Variants in KLHL3 observed in about 807,000 individuals in gnomAD.
The protein encoded by KLHL3 is kelch-like protein 3.
Under a neutral mutation model 70.5 loss-of-function variants are expected in KLHL3, and 19 were observed. The ratio of observed to expected loss-of-function variants is 0.27; its 90% CI spans 0.19 to 0.40. The LOEUF (loss-of-function observed/expected upper bound fraction) is 0.40, where lower values mean the gene tolerates loss of function less well. Ranked by LOEUF, KLHL3 falls within the 10% of genes least tolerant of loss-of-function variation. The pLI, the probability that KLHL3 is intolerant of heterozygous loss-of-function variation, is 1.00. For synonymous variants in KLHL3, 258 were observed against 290.3 expected (o/e 0.89, Z 1.13); for missense variants, 512 against 771.1 (o/e 0.66, Z 3.98).
chr5:137,727,101 A>C lies in KLHL3; in HGVS notation c.15-6517T>G, dbSNP rs147888747. On this transcript the variant is annotated intron_variant, in intron 1 of 14. Transcript: ENST00000309755. The stretch of plus-strand genomic sequence containing the variant: ...CACAGGTAATTCATACTTATTCAAA[A>C]TTTATGTTCCCCACCCTCCCTTAAG... Among the ~76,000 whole-genome samples the C allele has an allele frequency of 7.4e-3, 1,132 of 152,012 alleles. 17 individuals are homozygous for C. The highest frequency in any genetic ancestry group is 0.026 in the African/African-American group (1,072 of 41,432).
At chr5:137,679,181 G>A (rs1751963560) in intron 5 of KLHL3, among the ~76,000 whole-genome samples, 2 of 151,520 alleles carry the variant, frequency 1.3e-5, no homozygotes, top group South Asian at 4.2e-4. Flanking sequence ...TCTTGGGCTG[G>A]AAGCTGGGAA....
At chr5:137,694,159 G>A (rs2149919136) in intron 4 of KLHL3, among the ~76,000 whole-genome samples, 1 of 151,544 alleles carries the variant, frequency 6.6e-6, no homozygotes, top group East Asian at 1.9e-4. Flanking sequence ...TGAGCCAAAT[G>A]CCTACGCTCA....
chr5:137,655,898 G>A (rs1244640589), intron 8 of KLHL3, among the ~76,000 whole-genome samples: 1 of 151,512 alleles, frequency 6.6e-6, no homozygotes, highest in Non-Finnish European at 1.5e-5. Context: ...GGCTGAGGTG[G>A]GAGGATCACT....
At chr5:137,646,631 A>G (rs1751053007) in intron 8 of KLHL3, among the ~76,000 whole-genome samples, 1 of 152,152 alleles carries the variant, frequency 6.6e-6, no homozygotes, top group Non-Finnish European at 1.5e-5. Context: ...AAGAGACTTG[A>G]ACCATTCTCT....
chr5:137,667,142 C>T (rs1203982181), intron 6 of KLHL3, among the ~76,000 whole-genome samples: 2 of 152,306 alleles, frequency 1.3e-5, no homozygotes, highest in East Asian at 1.9e-4. Flanking sequence ...AAGGCAGCCA[C>T]ACTCATCGTT....
intron 11 of KLHL3, among the ~76,000 whole-genome samples, chr5:137,634,374 C>T (rs1352812070): frequency 6.6e-6 from 1 of 152,222 alleles, no homozygotes; most frequent in Non-Finnish European, 1.5e-5. Context: ...GCCATGAGCT[C>T]CTTAGAAGCA....
At chr5:137,732,735 A>G (rs1753198618) in intron 1 of KLHL3, among the ~76,000 whole-genome samples, 1 of 152,186 alleles carries the variant, frequency 6.6e-6, no homozygotes, top group Admixed American at 6.5e-5. Context: ...TGATAATAGC[A>G]ACTACCATCT....
Position 137,698,304 on chromosome 5 carries a change from T to A in KLHL3, c.346A>T (p.Thr116Ser). 4 of 1,614,232 alleles carry A rather than the reference T, an allele frequency of 2.5e-6. No individual in the cohort carries two copies. In the South Asian group the frequency reaches 4.4e-5, roughly 18 times the overall value. ...GAGTTTACCTGGACATTCTCTTCAG[T>A]CACCTCGATTTCAGCAGTATAGATG... ...DYIYTAEIEV[T>S]EENVQVLLPA... The change falls in exon 4 of 15, where the codon ACT (threonine) becomes TCT (serine). Residue 116 changes from threonine to serine, a missense_variant. Coordinates refer to ENST00000309755, the MANE Select transcript of KLHL3 (RefSeq NM_017415.3).
At position 137,665,109 on chromosome 5, in the gene KLHL3, T is replaced by C. The variant is rs193299830; in HGVS notation, c.637-3078A>G. ...GTGAGGAAACGATCAGACAACTCTATGTTTGCAACATTCTATAGGACGGCT... is the reference window on the plus strand; with the variant it reads ...GTGAGGAAACGATCAGACAACTCTACGTTTGCAACATTCTATAGGACGGCT... On this transcript the variant is annotated intron_variant, in intron 6 of 14. Coordinates refer to ENST00000309755, the MANE Select transcript of KLHL3 (RefSeq NM_017415.3). Among the ~76,000 whole-genome samples, 3 of 152,336 alleles carry C rather than the reference T, an allele frequency of 2.0e-5. No homozygotes were observed. The East Asian group carries it at 5.8e-4, about 29-fold the overall frequency.
At chr5:137,706,013 G>T (rs2149927176) in intron 3 of KLHL3, 1 of 985,404 alleles carries the variant, frequency 1.0e-6, no homozygotes, top group Non-Finnish European at 1.2e-6. Flanking sequence ...TTATAGACTG[G>T]TTGGATTGGG....
chr5:137,677,661 CAA>C lies in KLHL3; in HGVS notation c.527-9_527-8del, dbSNP rs112292887. The stretch of plus-strand genomic sequence containing the variant: ...ACCTCTGGAAAGTGCTGCTCTGTTC[CAA>C]AAAAAAAAAAAAGAAGTTAAGAAAA... On this transcript the variant is annotated splice_polypyrimidine_tract_variant and splice_region_variant and intron_variant, in intron 5 of 14. Transcript: ENST00000309755. 0.014 allele frequency: 16,571 copies of C among 1,193,618 alleles called. No homozygotes were observed. The highest frequency in any genetic ancestry group is 0.024 in the South Asian group (1,540 of 64,284). 73.9% of individuals were successfully genotyped at this position (1,193,618 alleles called of 1,614,324 possible). A position where few individuals can be genotyped will look rare whatever the true frequency, so the allele number is the denominator to read the frequency against.
At chr5:137,696,890 C>T (rs752213253) in intron 4 of KLHL3, among the ~76,000 whole-genome samples, 31 of 152,276 alleles carry the variant, frequency 2.0e-4, no homozygotes, top group Non-Finnish European at 4.1e-4. Flanking sequence ...ACCTCCACCA[C>T]GGAACAGGAA....
At chr5:137,693,043 T>C (rs1752361993) in intron 4 of KLHL3, among the ~76,000 whole-genome samples, 1 of 152,148 alleles carries the variant, frequency 6.6e-6, no homozygotes, top group Non-Finnish European at 1.5e-5. Flanking sequence ...CCCACAACCT[T>C]CAGTGTACTG....
In KLHL3 at chr5:137,639,725, A is replaced by AC. The variant is rs1412849399; in HGVS notation, c.1021+134_1021+135insG. 4.8e-6 allele frequency: 3 copies of AC among 630,824 alleles called. No individual in the cohort carries two copies. The Admixed American group carries it at 8.9e-5, about 19-fold the overall frequency. The allele number at this position is 630,824 out of a possible 1,614,324, so 39.1% of individuals were successfully genotyped here. On this transcript the variant is annotated intron_variant, in intron 9 of 14. Transcript: ENST00000309755. The surrounding 1 kb of genome is among the most constrained non-coding windows in gnomAD (Gnocchi z 5.0). Reference sequence around the variant, plus strand: ...ACGACAACAACCAAAAAAAAAAAAAAAGTGTGCAGGAGGGAAACGAATGGG... The same window carrying AC: ...ACGACAACAACCAAAAAAAAAAAAAACAGTGTGCAGGAGGGAAACGAATGGG...
At chr5:137,666,483 T>A (rs1415180266) in intron 6 of KLHL3, among the ~76,000 whole-genome samples, 3 of 152,216 alleles carry the variant, frequency 2.0e-5, no homozygotes, top group Admixed American at 1.3e-4. Context: ...TTGGCAAAGC[T>A]TAGCTGAAGA....
chr5:137,631,069 CAA>C (rs70979549), intron 12 of KLHL3, among the ~76,000 whole-genome samples: 5,682 of 105,784 alleles, frequency 0.054, 355 homozygotes, highest in African/African-American at 0.19. Context: ...TCCAAAAATA[CAA>C]AAAAAAAAAA....
At chr5:137,661,179 T>G (rs1247630228) in intron 7 of KLHL3, 12 of 152,252 alleles carry the variant, frequency 7.9e-5, no homozygotes, top group African/African-American at 2.2e-4. Flanking sequence ...AACTATGCAC[T>G]GCAGAGCCAG....
At chr5:137,705,650 T>G (rs755841674) in intron 3 of KLHL3, among the ~76,000 whole-genome samples, 1 of 152,228 alleles carries the variant, frequency 6.6e-6, no homozygotes, top group Non-Finnish European at 1.5e-5. Flanking sequence ...GCCATGATTA[T>G]GGGCATAAGA....
At chr5:137,653,683 AAC>A (rs777209753) in intron 8 of KLHL3, among the ~76,000 whole-genome samples, 3 of 152,248 alleles carry the variant, frequency 2.0e-5, no homozygotes, top group Non-Finnish European at 4.4e-5. Context: ...CATTTTAAAA[AAC>A]AGTTTAGCAA....
Sources: allele counts gnomAD v4.1 joint callset (sites outside exome capture counted in the v4.1 genomes callset), GRCh38; gene constraint gnomAD v4.1.1; non-coding constraint Gnocchi (gnomAD v3.1); transcripts MANE v1.5; gene names NCBI Gene and HGNC (gene_info 2026-07-23, HGNC 2026-07-21).